Variants in AIM2 observed in about 807,000 individuals in gnomAD.
The protein encoded by AIM2 is interferon-inducible protein AIM2.
AIM2 carries 30 observed loss-of-function variants against 27.7 expected under a neutral mutation model. That is an observed-to-expected ratio of 1.08 (90% confidence interval 0.81 to 1.47). AIM2 has a LOEUF of 1.47. AIM2 is among the 40% of genes most tolerant of loss of function. The pLI is 0.00. For synonymous variants in AIM2, 141 were observed against 145.3 expected, an observed-to-expected ratio of 0.97 and a Z score of 0.21; for missense variants, 358 against 411.3, an observed-to-expected ratio of 0.87 and a Z score of 1.12.
At chr1:159,119,762 C>G (rs1453284825) in intron 1 of AIM2, among the ~76,000 whole-genome samples, 1 of 151,910 alleles carries the variant, frequency 6.6e-6, no homozygotes, top group Non-Finnish European at 1.5e-5. Flanking sequence ...TATTTTCGTT[C>G]TCACCCCCAC....
intron 1 of AIM2, among the ~76,000 whole-genome samples, chr1:159,106,710 G>A (rs894685758): frequency 6.6e-6 from 1 of 152,172 alleles, no homozygotes; most frequent in African/African-American, 2.4e-5. Flanking sequence ...ACTAATGCAA[G>A]GTTGCCCTGA....
intron 1 of AIM2, among the ~76,000 whole-genome samples, chr1:159,121,468 T>A (rs1647532506): frequency 6.6e-6 from 1 of 152,188 alleles, no homozygotes; most frequent in South Asian, 2.1e-4. Context: ...TTGACGTGCT[T>A]TTGTAAGCAT....
chr1:159,078,940 T>C (rs1656707716), upstream of AIM2, among the ~76,000 whole-genome samples: 1 of 152,226 alleles, frequency 6.6e-6, no homozygotes, highest in African/African-American at 2.4e-5. Flanking sequence ...GGCCCTTTCG[T>C]GCCAATCCTA....
intron 1 of AIM2, chr1:159,081,823 A>G (rs1312923990): frequency 2.6e-5 from 4 of 153,712 alleles, no homozygotes; most frequent in African/African-American, 9.6e-5. Context: ...GATGCTAGAA[A>G]GCCCTTCCCA....
chr1:159,073,820 C>T (rs1656478753), intron 1 of AIM2, among the ~76,000 whole-genome samples: 2 of 152,152 alleles, frequency 1.3e-5, no homozygotes, highest in Non-Finnish European at 2.9e-5. Flanking sequence ...GGGCGGATCA[C>T]CTGCGGTCAG....
intron 1 of AIM2, among the ~76,000 whole-genome samples, chr1:159,088,114 G>A (rs1353594978): frequency 6.6e-6 from 1 of 152,136 alleles, no homozygotes; most frequent in Non-Finnish European, 1.5e-5. Context: ...GACAGAAAAA[G>A]AGGAAGAGGC....
At chr1:159,133,694 T>C (rs955060686) in intron 1 of AIM2, among the ~76,000 whole-genome samples, 4 of 152,350 alleles carry the variant, frequency 2.6e-5, no homozygotes, top group Non-Finnish European at 5.9e-5. Context: ...TTTCTTCTTA[T>C]ATACTTCTTT....
chr1:159,068,085 T>C (rs1034256703), intron 3 of AIM2, among the ~76,000 whole-genome samples: 2 of 152,138 alleles, frequency 1.3e-5, no homozygotes, highest in Non-Finnish European at 2.9e-5. Flanking sequence ...GGATCTCTGA[T>C]GTGACCCAGA....
At chr1:159,070,799 G>T (rs1656323232) in intron 2 of AIM2, among the ~76,000 whole-genome samples, 1 of 152,210 alleles carries the variant, frequency 6.6e-6, no homozygotes, top group African/African-American at 2.4e-5. Context: ...CCAATGGTAA[G>T]TTAGTTCCAT....
intron 4 of AIM2, among the ~76,000 whole-genome samples, chr1:159,064,106 C>T (rs72709570): frequency 0.035 from 5,352 of 152,228 alleles, 105 homozygotes; most frequent in Non-Finnish European, 0.046. Context: ...GGCTATTAAG[C>T]AGTTAAGTTT....
intron 1 of AIM2, among the ~76,000 whole-genome samples, chr1:159,127,252 T>A (rs1647718079): frequency 1.3e-5 from 2 of 152,228 alleles, no homozygotes; most frequent in South Asian, 4.1e-4. Flanking sequence ...ATGGTTCATA[T>A]ACATTCCATA....
At chr1:159,091,473 T>C (rs1465113363) in intron 1 of AIM2, among the ~76,000 whole-genome samples, 1 of 152,236 alleles carries the variant, frequency 6.6e-6, no homozygotes, top group African/African-American at 2.4e-5. Flanking sequence ...GAGAAACTCC[T>C]CTGATTTCTG....
At chr1:159,056,242 G>T in the AIM2 span, among the ~76,000 whole-genome samples, 1 of 152,144 alleles carries the variant, frequency 6.6e-6, no homozygotes, top group South Asian at 2.1e-4. Flanking sequence ...TGAATTTCAG[G>T]TTCCACCCAG....
intron 1 of AIM2, among the ~76,000 whole-genome samples, chr1:159,111,796 A>G (rs1657577612): frequency 7.5e-6 from 1 of 133,118 alleles, no homozygotes; most frequent in Non-Finnish European, 1.5e-5. Context: ...CGTCTCTACA[A>G]AAAAAAAAAA....
chr1:159,142,364 G>T (rs565141916), upstream of AIM2, among the ~76,000 whole-genome samples: 1 of 152,298 alleles, frequency 6.6e-6, no homozygotes, highest in South Asian at 2.1e-4. Flanking sequence ...TGTTCAGTGT[G>T]TGTGTTCAGT....
chr1:159,073,504 C>A lies in AIM2; in HGVS notation c.-5G>T, dbSNP rs1489148074. 10 of 1,612,832 alleles carry A rather than the reference C, an allele frequency of 6.2e-6. No homozygotes were observed. The highest frequency in any genetic ancestry group is 8.5e-6 in the Non-Finnish European group (10 of 1,179,152). Reference sequence around the variant, plus strand: ...CTCCTTGTATTTACTCTCCATCTGACAACTTTGGGATCAGCCTATAAGGAA... The same window carrying A: ...CTCCTTGTATTTACTCTCCATCTGAAAACTTTGGGATCAGCCTATAAGGAA... On this transcript the variant is annotated 5_prime_UTR_variant, in exon 2 of 6. Transcript: ENST00000368130.
intron 1 of AIM2, among the ~76,000 whole-genome samples, chr1:159,110,748 A>G (rs1161468438): frequency 6.6e-6 from 1 of 152,208 alleles, no homozygotes; most frequent in East Asian, 1.9e-4. Context: ...GATTACATAA[A>G]TGGTATCTGC....
chr1:159,144,629 C>CA (rs555686959), upstream of AIM2, among the ~76,000 whole-genome samples: 120 of 148,540 alleles, frequency 8.1e-4, no homozygotes, highest in Middle Eastern at 3.5e-3. Context: ...ATTCACCTTC[C>CA]AAAAAAAAAA....
intron 1 of AIM2, among the ~76,000 whole-genome samples, chr1:159,092,491 T>G (rs970049339): frequency 2.0e-5 from 3 of 152,102 alleles, no homozygotes; most frequent in African/African-American, 7.2e-5. Flanking sequence ...GCTTATTTTC[T>G]GAGGACAAGG....
Sources: allele counts gnomAD v4.1 joint callset (sites outside exome capture counted in the v4.1 genomes callset), GRCh38; gene constraint gnomAD v4.1.1; transcripts MANE v1.5; gene names NCBI Gene and HGNC (gene_info 2026-07-23, HGNC 2026-07-21).